SPEN: variants seen among roughly 807,000 people sequenced by gnomAD.
The protein encoded by SPEN is spen family transcriptional repressor.
SPEN carries 18 observed loss-of-function variants against 269.9 expected under a neutral mutation model. The ratio of observed to expected loss-of-function variants is 0.07; its 90% CI spans 0.05 to 0.10. The LOEUF (loss-of-function observed/expected upper bound fraction) is 0.10. Ranked by LOEUF, SPEN falls within the 10% of genes least tolerant of loss-of-function variation. The pLI, the probability that SPEN is intolerant of heterozygous loss-of-function variation, is 1.00. For missense variants in SPEN, 3,822 were observed against 4,631.2 expected (o/e 0.83, Z 5.07); for synonymous variants, 1,726 against 1,765.7 (o/e 0.98, Z 0.56).
At chr1:15,936,415 A>T in intron 11 of SPEN, 149 bp downstream of exon 11, 2 of 1,267,366 alleles carry the variant, frequency 1.6e-6, no homozygotes, top group Non-Finnish European at 2.0e-6. Flanking sequence ...CCCAGATGGG[A>T]GGACTGCTTA....
intron 1 of SPEN, among the ~76,000 whole-genome samples, chr1:15,854,299 C>T (rs898561731): frequency 6.6e-6 from 1 of 152,018 alleles, no homozygotes; most frequent in African/African-American, 2.4e-5. Flanking sequence ...GCCTGCTGAA[C>T]AAGGAGACTA....
intron 3 of SPEN, among the ~76,000 whole-genome samples, chr1:15,900,879 C>T (rs1170844242): frequency 6.6e-6 from 1 of 151,810 alleles, no homozygotes; most frequent in Non-Finnish European, 1.5e-5. Flanking sequence ...CCCTACCCCA[C>T]CCCACCCCCA....
intron 3 of SPEN, among the ~76,000 whole-genome samples, chr1:15,901,711 G>A (rs1281596289): frequency 6.6e-6 from 1 of 151,342 alleles, no homozygotes. Context: ...ATCAGAAGTG[G>A]TGGAGTTGAA....
rs750114983 is a variant in SPEN, at chr1:15,936,014, CCCTGCT to C, written c.9780_9785del (p.Ala3262_Pro3263del). 100 of 1,588,904 alleles carry C rather than the reference CCCTGCT, an allele frequency of 6.3e-5. No individual in the cohort carries two copies. Among genetic ancestry groups the C allele is most frequent in the Non-Finnish European group, 7.7e-5 (90 of 1,166,564 alleles). The stretch of plus-strand genomic sequence containing the variant: ...TCCCTGTCCCTGTCCCCCTTCCTGC[CCCTGCT>C]CCTGCCCCTCATGGTGAGGCCCGTA... On this transcript the variant is annotated inframe_deletion, in exon 11 of 15. Transcript: ENST00000375759.
Position 15,918,908 on chromosome 1 carries a change from A to G in SPEN, c.1396-18A>G, listed in dbSNP as rs770397313. The G allele has an allele frequency of 1.3e-6, 2 of 1,597,532 alleles. No homozygotes were observed. The highest frequency in any genetic ancestry group is 1.3e-5 in the African/African-American group (1 of 74,572). ...TTTCTTGGGCATATTGCTAAGTTGTATTCATTGGTTTTTTCAGGATATTGA... is the reference window on the plus strand; with the variant it reads ...TTTCTTGGGCATATTGCTAAGTTGTGTTCATTGGTTTTTTCAGGATATTGA... On this transcript the variant is annotated intron_variant, in intron 6 of 14. Transcript: ENST00000375759.
chr1:15,880,405 T>G (rs2070675381), intron 3 of SPEN, among the ~76,000 whole-genome samples: 2 of 152,216 alleles, frequency 1.3e-5, no homozygotes, highest in South Asian at 4.1e-4. Context: ...CATTAACTTA[T>G]TGATTCCTTC....
At position 15,935,844 on chromosome 1, in the gene SPEN, C is replaced by G; in HGVS notation, c.9604C>G (p.His3202Asp). ...PRDVRIMVHP[H>D]VTAVSEQPRA... ...GGATGTGAGGATCATGGTGCATCCA[C>G]ATGTGACGGCAGTCAGCGAGCAGCC... Residue 3202 changes from histidine to aspartate, a missense_variant, in exon 11 of 15, where the codon CAT (histidine) becomes GAT (aspartate). His to Asp is a moderately conservative substitution (Grantham distance 81). Around this residue, in one of 16 missense-constraint regions of SPEN, gnomAD observed 153 missense variants for 228.5 expected, o/e 0.67. Coordinates refer to ENST00000375759, the MANE Select transcript of SPEN (RefSeq NM_015001.3). The surrounding 1 kb of genome is among the most constrained non-coding windows in gnomAD (Gnocchi z 7.7). The G allele has an allele frequency of 6.2e-7, 1 of 1,613,828 alleles. No homozygotes were observed. The highest frequency in any genetic ancestry group is 8.5e-7 in the Non-Finnish European group (1 of 1,180,004).
At chr1:15,857,379 C>T (rs1227795660) in intron 1 of SPEN, among the ~76,000 whole-genome samples, 11 of 146,400 alleles carry the variant, frequency 7.5e-5, no homozygotes, top group Non-Finnish European at 1.6e-4. Context: ...TTTTTTGAGA[C>T]GGAGTCTCGT....
chr1:15,872,599 CAAAAAAA>C (rs78554897), intron 1 of SPEN, among the ~76,000 whole-genome samples: 4 of 92,562 alleles, frequency 4.3e-5, no homozygotes, highest in African/African-American at 2.1e-4. Context: ...GACTCCATCT[CAAAAAAA>C]AAAAAAAAAG....
intron 6 of SPEN, among the ~76,000 whole-genome samples, chr1:15,918,370 C>T (rs1390270880): frequency 6.6e-6 from 1 of 152,226 alleles, no homozygotes; most frequent in Non-Finnish European, 1.5e-5. Context: ...AGGCATGTGC[C>T]GCCATGCCTG....
intron 3 of SPEN, among the ~76,000 whole-genome samples, chr1:15,890,357 G>A (rs1004448608): frequency 6.6e-6 from 1 of 151,318 alleles, no homozygotes; most frequent in Admixed American, 6.6e-5. Context: ...TCAGCCTCCC[G>A]AGTAGCTGGG....
chr1:15,895,715 CTG>C (rs1032456957), intron 3 of SPEN, among the ~76,000 whole-genome samples: 7 of 138,052 alleles, frequency 5.1e-5, no homozygotes, highest in African/African-American at 1.6e-4. Context: ...GAATATCACT[CTG>C]TTGCCCAGGG....
chr1:15,848,386 C>A lies in SPEN; in HGVS notation c.83+236C>A, dbSNP rs555009262. Among the ~76,000 whole-genome samples the A allele has an allele frequency of 6.6e-6, 1 of 151,450 alleles. No homozygotes were observed. Among genetic ancestry groups the A allele is most frequent in the South Asian group, 2.1e-4 (1 of 4,830 alleles). ...GAAGAGCCCGCGGGGCCCCGGCGGC[C>A]GCGTCCGTGACGAGGGAGGTGACCG... On this transcript the variant is annotated intron_variant, in intron 1 of 14. Transcript: ENST00000375759. This position sits in a 1 kb window ranked among gnomAD's most constrained non-coding sequence, Gnocchi z 5.1.
At position 15,939,480 on chromosome 1, in the gene SPEN, A is replaced by T; in HGVS notation, c.*53A>T. On this transcript the variant is annotated 3_prime_UTR_variant, in exon 15 of 15. Coordinates refer to ENST00000375759, the MANE Select transcript of SPEN (RefSeq NM_015001.3). The surrounding 1 kb of genome is among the most constrained non-coding windows in gnomAD (Gnocchi z 4.1). ...ATCTTCCCAGGGCTCTGCAGTAAAA[A>T]CAAAGGACAACCCAGCCAAGCAGAG... 1 of 1,480,510 alleles carries T rather than the reference A, an allele frequency of 6.8e-7. No individual in the cohort carries two copies. 91.7% of individuals were successfully genotyped at this position (1,480,510 alleles called of 1,614,324 possible).
In SPEN at chr1:15,909,547, T is replaced by C. The variant is rs370157276; in HGVS notation, c.1042+66T>C. On this transcript the variant is annotated intron_variant, in intron 4 of 14. Coordinates refer to ENST00000375759, the MANE Select transcript of SPEN (RefSeq NM_015001.3). ...TGAGGAATGAGGTATGATACTGCATTACATTGAAATAACTTTGGGCATAAA... is the reference window on the plus strand; with the variant it reads ...TGAGGAATGAGGTATGATACTGCATCACATTGAAATAACTTTGGGCATAAA... 1.1e-5 allele frequency: 15 copies of C among 1,409,512 alleles called. No homozygotes were observed. In the East Asian group the frequency reaches 1.9e-4, roughly 17 times the overall value. 87.3% of individuals were successfully genotyped at this position (1,409,512 alleles called of 1,614,324 possible). A position where few individuals can be genotyped will look rare whatever the true frequency, so the allele number is the denominator to read the frequency against.
rs189823158 is a variant in SPEN at position 15,936,273 on chromosome 1, C to G, written c.10026+7C>G. On this transcript the variant is annotated splice_region_variant and intron_variant, in intron 11 of 14. Transcript: ENST00000375759. ...GACCAAGACAGCTGCTCAGGTGAGCCAGCCAGGTATCTCCCCACTGTCTGT... is the reference window on the plus strand; with the variant it reads ...GACCAAGACAGCTGCTCAGGTGAGCGAGCCAGGTATCTCCCCACTGTCTGT... The G allele has an allele frequency of 1.8e-4, 280 of 1,530,194 alleles. No homozygotes were observed. The African/African-American group carries it at 3.5e-3, about 19-fold the overall frequency. The allele number at this position is 1,530,194 out of a possible 1,614,324, so 94.8% of individuals were successfully genotyped here.
At chr1:15,863,484 T>A (rs778278576) in intron 1 of SPEN, among the ~76,000 whole-genome samples, 3 of 152,140 alleles carry the variant, frequency 2.0e-5, no homozygotes, top group Non-Finnish European at 4.4e-5. Context: ...ATTAAGCTTA[T>A]TCTTGGTCTT....
intron 1 of SPEN, among the ~76,000 whole-genome samples, chr1:15,854,940 G>A (rs961647202): frequency 2.6e-5 from 4 of 151,908 alleles, no homozygotes; most frequent in African/African-American, 7.3e-5. Flanking sequence ...AAGATTACAA[G>A]CATCTAAAAA....
intron 1 of SPEN, among the ~76,000 whole-genome samples, chr1:15,851,809 C>G (rs1206055628): frequency 1.3e-5 from 2 of 151,718 alleles, no homozygotes; most frequent in African/African-American, 4.8e-5. Flanking sequence ...ATGGTAAAAC[C>G]CCGTCTCTAC....
Sources: allele counts gnomAD v4.1 joint callset (sites outside exome capture counted in the v4.1 genomes callset), GRCh38; gene constraint gnomAD v4.1.1; regional missense constraint gnomAD v4.1.1; non-coding constraint Gnocchi (gnomAD v3.1); transcripts MANE v1.5; gene names NCBI Gene and HGNC (gene_info 2026-07-23, HGNC 2026-07-21).